The following KIF13B variants were observed in gnomAD, a reference collection of about 807,000 sequenced individuals.
KIF13B encodes the protein kinesin-like protein KIF13B.
KIF13B carries 127 observed loss-of-function variants against 222.0 expected under a neutral mutation model. The observed-to-expected ratio is 0.57, with a 90% CI of 0.50 to 0.66. KIF13B has a LOEUF of 0.66. Ranked by LOEUF, KIF13B falls within the 30% of genes least tolerant of loss-of-function variation. The probability of loss-of-function intolerance (pLI) is 0.00; values close to 1 mark genes in which losing one functional copy is unlikely to be tolerated. For synonymous variants in KIF13B, 976 were observed against 919.0 expected, an observed-to-expected ratio of 1.06 and a Z score of -1.12; for missense variants, 2,173 against 2,379.0, an observed-to-expected ratio of 0.91 and a Z score of 1.80.
Position 29,246,911 on chromosome 8 carries a change from T to C in KIF13B, c.56-1472A>G, listed in dbSNP as rs569451834. ...GATATCCACAGGCAAAAGAATGAAG[T>C]TGGATCCCTACCTCACATCACATTC... On this transcript the variant is annotated intron_variant, in intron 1 of 39. Transcript: ENST00000524189. 4.6e-5 allele frequency among the ~76,000 whole-genome samples: 7 copies of C among 152,334 alleles called. No homozygotes were observed. In the East Asian group the frequency reaches 1.3e-3, roughly 29 times the overall value.
intron 13 of KIF13B, among the ~76,000 whole-genome samples, chr8:29,159,222 C>T (rs1312115983): frequency 6.6e-6 from 1 of 152,154 alleles, no homozygotes; most frequent in Non-Finnish European, 1.5e-5. Flanking sequence ...ATGATCTCAG[C>T]TCACTGCAAC....
At chr8:29,154,811 G>A (rs1464105487) in intron 14 of KIF13B, among the ~76,000 whole-genome samples, 1 of 152,160 alleles carries the variant, frequency 6.6e-6, no homozygotes, top group Non-Finnish European at 1.5e-5. Flanking sequence ...ACAGCTGTGA[G>A]GGCCACACCA....
chr8:29,240,054 A>C (rs998577895), intron 2 of KIF13B, among the ~76,000 whole-genome samples: 5 of 151,862 alleles, frequency 3.3e-5, no homozygotes, highest in Admixed American at 2.6e-4. Context: ...AAAAAAAGAA[A>C]GAACAGGAAA....
intron 5 of KIF13B, 64 bp from the exon 6 acceptor site, chr8:29,186,536 C>G: frequency 2.2e-6 from 3 of 1,359,984 alleles, no homozygotes; most frequent in Non-Finnish European, 3.0e-6. Context: ...AACCCTCTTT[C>G]CGTTGCTCAT....
In KIF13B at chr8:29,117,926, G is replaced by A. The variant is rs143209597; in HGVS notation, c.3661-919C>T. On this transcript the variant is annotated intron_variant, in intron 30 of 39. Coordinates refer to ENST00000524189, the MANE Select transcript of KIF13B (RefSeq NM_015254.4). ...TCATCCCAGCACTTTGCGAAGCCAA[G>A]GCAAGTAGATCACTTGAGGTCAGGA... Among the ~76,000 whole-genome samples the A allele has an allele frequency of 1.2e-3, 180 of 152,250 alleles. 1 individual carries two copies. The East Asian group carries it at 0.029, about 25-fold the overall frequency.
intron 8 of KIF13B, among the ~76,000 whole-genome samples, chr8:29,179,781 A>G (rs1014906139): frequency 2.6e-5 from 4 of 152,206 alleles, no homozygotes; most frequent in Non-Finnish European, 2.9e-5. Flanking sequence ...AGCTATGGGT[A>G]TGCCTGGAAC....
At chr8:29,138,811 T>TGAGA (rs1293066780) in intron 21 of KIF13B, among the ~76,000 whole-genome samples, 1 of 151,860 alleles carries the variant, frequency 6.6e-6, no homozygotes, top group Non-Finnish European at 1.5e-5. Flanking sequence ...AGCGAGCGAG[T>TGAGA]GAGAGAGCAC....
chr8:29,147,401 G>T lies in KIF13B; in HGVS notation c.2015C>A (p.Ala672Asp), dbSNP rs1261348356. 2 of 1,603,632 alleles carry T rather than the reference G, an allele frequency of 1.2e-6. No homozygotes were observed. The highest frequency in any genetic ancestry group is 3.4e-5 in the Admixed American group (2 of 58,628). The change falls in exon 17 of 40, where the codon GCT (alanine) becomes GAT (aspartate). Residue 672 changes from alanine (A) to aspartate (D), a missense_variant. Coordinates refer to ENST00000524189, the MANE Select transcript of KIF13B (RefSeq NM_015254.4). The stretch of plus-strand genomic sequence containing the variant: ...CCTCTGTGCCGCCTACCTCTCCTCA[G>T]CCCACTGTCTTAAGCGTTGCTGAGC... ...PSAQQRLRQWAEEREATLNNS... is the reference protein window; with the variant it reads ...PSAQQRLRQWDEEREATLNNS...
At position 29,109,461 on chromosome 8, in the gene KIF13B, C is replaced by A. The variant is rs1057211649; in HGVS notation, c.4134G>T (p.Arg1378Ser). ...TGTTCACATTTGGAGAACTGATACT[C>A]CTCCTGCTCAACTTTCCTTTTCCTG... ...QLTGKGKLSR[R>S]SISSPNVNRL... The change falls in exon 34 of 40, where the codon AGG becomes AGT. Residue 1378 changes from arginine to serine, a missense_variant. Arg to Ser is a moderately radical substitution (Grantham distance 110). Coordinates refer to ENST00000524189, the MANE Select transcript of KIF13B (RefSeq NM_015254.4). The A allele has an allele frequency of 5.0e-6, 8 of 1,613,610 alleles. No individual in the cohort carries two copies. Among genetic ancestry groups the A allele is most frequent in the African/African-American group, 1.3e-5 (1 of 74,918 alleles).
At chr8:29,191,962 C>T (rs920599510) in intron 3 of KIF13B, among the ~76,000 whole-genome samples, 6 of 152,172 alleles carry the variant, frequency 3.9e-5, no homozygotes, top group Admixed American at 1.3e-4. Context: ...GAGTCTGTTG[C>T]TATGCTTCCT....
chr8:29,134,022 T>C lies in KIF13B; in HGVS notation c.2784+18A>G. The C allele has an allele frequency of 6.2e-7, 1 of 1,607,696 alleles. No individual in the cohort carries two copies. The highest frequency in any genetic ancestry group is 8.5e-7 in the Non-Finnish European group (1 of 1,176,536). On this transcript the variant is annotated intron_variant, in intron 22 of 39. Transcript: ENST00000524189. ...ATGAGTAATCTAAATGCTGACCTAC[T>C]CTGGAAAACAAACTCACATTGCAAT...
intron 35 of KIF13B, among the ~76,000 whole-genome samples, chr8:29,106,924 G>T (rs556707032): frequency 6.6e-6 from 1 of 152,136 alleles, no homozygotes; most frequent in African/African-American, 2.4e-5. Flanking sequence ...ATCAACATGG[G>T]GCATGCTGCA....
chr8:29,081,060 G>A (rs1586749781), intron 37 of KIF13B, among the ~76,000 whole-genome samples: 1 of 152,294 alleles, frequency 6.6e-6, no homozygotes, highest in Admixed American at 6.5e-5. Context: ...GGGAAACGCT[G>A]GCAGGTCCTG....
At chr8:29,243,033 T>C (rs1396792232) in intron 2 of KIF13B, among the ~76,000 whole-genome samples, 1 of 152,186 alleles carries the variant, frequency 6.6e-6, no homozygotes, top group East Asian at 1.9e-4. Context: ...AGCATTGAAT[T>C]GAATACATTT....
chr8:29,092,761 G>A lies in KIF13B; in HGVS notation c.4442C>T (p.Ser1481Phe). 6.2e-7 allele frequency: 1 copy of A among 1,612,982 alleles called. No individual in the cohort carries two copies. Among genetic ancestry groups the A allele is most frequent in the Non-Finnish European group, 8.5e-7 (1 of 1,179,588 alleles). ...VRDEKRGKRP[S>F]PLAHQPVPRI... ...GCTTTTTACCTGGTGTGCGAGGGGA[G>A]ACGGCCGCTTGCCCCTCTTCTCATC... The change falls in exon 37 of 40, where the codon TCT (serine) becomes TTT (phenylalanine). Residue 1481 changes from serine (S) to phenylalanine (F), a missense_variant. By Grantham distance (155) the Ser-to-Phe change is radical (BLOSUM62 -2). This residue lies in a region of KIF13B where 693 missense variants were observed against 656.2 expected (regional missense o/e 1.06). Transcript: ENST00000524189.
intron 36 of KIF13B, among the ~76,000 whole-genome samples, chr8:29,098,303 TC>T (rs1808633625): frequency 1.3e-5 from 2 of 151,248 alleles, no homozygotes; most frequent in Non-Finnish European, 2.9e-5. Context: ...ATCTAAATAT[TC>T]CCATACTAAA....
rs1475225725 is a variant in KIF13B, at chr8:29,070,472, A to G, written c.*32T>C. On this transcript the variant is annotated 3_prime_UTR_variant, in exon 40 of 40. Coordinates refer to ENST00000524189, the MANE Select transcript of KIF13B (RefSeq NM_015254.4). This position sits in a 1 kb window ranked among gnomAD's most constrained non-coding sequence, Gnocchi z 4.1. ...TGGCAGGGCTCAAAAGGGGCCGGGCACCCCCAGAAAAGTTCGCCCTAAGGC... is the reference window on the plus strand; with the variant it reads ...TGGCAGGGCTCAAAAGGGGCCGGGCGCCCCCAGAAAAGTTCGCCCTAAGGC... 1 of 1,603,996 alleles carries G rather than the reference A, an allele frequency of 6.2e-7. No individual in the cohort carries two copies. The highest frequency in any genetic ancestry group is 1.3e-5 in the African/African-American group (1 of 74,718).
intron 10 of KIF13B, among the ~76,000 whole-genome samples, chr8:29,173,714 C>T (rs568109032): frequency 5.6e-4 from 85 of 151,790 alleles, no homozygotes; most frequent in African/African-American, 1.7e-3. Flanking sequence ...GAGGCTGAGG[C>T]GGGTGGATCA....
intron 1 of KIF13B, among the ~76,000 whole-genome samples, chr8:29,248,655 C>T (rs1395829612): frequency 1.3e-5 from 2 of 152,160 alleles, no homozygotes; most frequent in African/African-American, 4.8e-5. Context: ...GTCCCTCCCA[C>T]AACACGAGGG....
Sources: gnomAD v4.1 joint callset for allele counts (sites outside exome capture counted in the v4.1 genomes callset) on GRCh38, gnomAD v4.1.1 for gene constraint, gnomAD v4.1.1 regional missense constraint, Gnocchi (gnomAD v3.1) non-coding constraint, MANE v1.5 for transcripts, NCBI Gene and HGNC (gene_info 2026-07-23, HGNC 2026-07-21) for gene names.